Variants in COX10 observed in about 807,000 individuals in gnomAD.
COX10 encodes cytochrome c oxidase assembly factor heme A:farnesyltransferase COX10.
In COX10, 27 loss-of-function variants were observed where a neutral mutation model predicts 37.3. The ratio of observed to expected loss-of-function variants is 0.72; its 90% CI spans 0.53 to 1.00. The LOEUF is 1.00. COX10 is among the 50% of genes least tolerant of loss of function. The pLI is 0.00. For missense variants in COX10, 475 were observed against 563.2 expected, an observed-to-expected ratio of 0.84 and a Z score of 1.59; for synonymous variants, 222 against 229.1, an observed-to-expected ratio of 0.97 and a Z score of 0.28.
chr17:14,132,788 A>G (rs1158912229), intron 4 of COX10, among the ~76,000 whole-genome samples: 1 of 151,652 alleles, frequency 6.6e-6, no homozygotes, highest in Non-Finnish European at 1.5e-5. Flanking sequence ...GTTTATTCTG[A>G]TGCAAAATTA....
rs1220078007 is a variant in COX10 at position 14,076,920 on chromosome 17, A to G, written c.363A>G (p.Leu121=). 4.3e-6 allele frequency: 7 copies of G among 1,614,080 alleles called. No individual in the cohort carries two copies. The highest frequency in any genetic ancestry group is 4.0e-5 in the African/African-American group (3 of 74,938). Reference sequence around the variant, plus strand: ...CAAATGAAAAGGAATTGATAGAACTAGAGCCAGACTCAGTAATTGAAGACT... The same window carrying G: ...CAAATGAAAAGGAATTGATAGAACTGGAGCCAGACTCAGTAATTGAAGACT... ...RKPNEKELIE[L]EPDSVIEDSI... is the part of the protein sequence containing the mutation. Residue 121 remains leucine, a synonymous_variant, in exon 3 of 7, where the codon CTA becomes CTG. Coordinates refer to ENST00000261643, the MANE Select transcript of COX10 (RefSeq NM_001303.4).
chr17:14,134,395 T>C (rs1248816759), intron 4 of COX10, among the ~76,000 whole-genome samples: 1 of 151,834 alleles, frequency 6.6e-6, no homozygotes, highest in Non-Finnish European at 1.5e-5. Context: ...AACATATATG[T>C]TAGAAAATGT....
intron 4 of COX10, among the ~76,000 whole-genome samples, chr17:14,147,463 T>C (rs138794920): frequency 0.013 from 1,901 of 152,042 alleles, 41 homozygotes; most frequent in African/African-American, 0.044. Flanking sequence ...ATGGAGCCCA[T>C]GGAGATAGAG....
chr17:14,080,432 C>T (rs1915266877), intron 3 of COX10, among the ~76,000 whole-genome samples: 1 of 151,964 alleles, frequency 6.6e-6, no homozygotes, highest in Admixed American at 6.6e-5. Context: ...CCAGGATGGT[C>T]TCAATCTCCT....
intron 4 of COX10, among the ~76,000 whole-genome samples, chr17:14,153,160 C>T (rs1240487228): frequency 6.6e-6 from 1 of 152,196 alleles, no homozygotes; most frequent in Non-Finnish European, 1.5e-5. Flanking sequence ...GTCAGCTTGG[C>T]AGTCAGATAC....
intron 4 of COX10, among the ~76,000 whole-genome samples, chr17:14,112,113 A>G (rs1240621415): frequency 1.3e-5 from 2 of 152,172 alleles, no homozygotes; most frequent in Non-Finnish European, 2.9e-5. Flanking sequence ...GAGGAAAAAT[A>G]GTTTATAAGT....
chr17:14,116,306 C>G (rs1011738139), intron 4 of COX10, among the ~76,000 whole-genome samples: 2 of 152,058 alleles, frequency 1.3e-5, no homozygotes, highest in African/African-American at 4.8e-5. Flanking sequence ...TGCCAGCCAT[C>G]CTGAGTAGCC....
At chr17:14,137,527 A>G (rs1355410865) in intron 4 of COX10, among the ~76,000 whole-genome samples, 2 of 151,966 alleles carry the variant, frequency 1.3e-5, no homozygotes, top group Non-Finnish European at 2.9e-5. Flanking sequence ...CCTAAGTGAA[A>G]GTAAATACTT....
In COX10 at chr17:14,207,618, C is replaced by G. The variant is rs1713208441; in HGVS notation, c.*405C>G. ...CTTGGTGGCCAGAAAGTGTGAGCCT[C>G]ATGATCTGCTGTCTGTAGTTCTGTG... On this transcript the variant is annotated 3_prime_UTR_variant, in exon 7 of 7. Transcript: ENST00000261643. 5.7e-6 allele frequency: 1 copy of G among 174,590 alleles called. No homozygotes were observed. Among genetic ancestry groups the G allele is most frequent in the Non-Finnish European group, 1.2e-5 (1 of 81,662 alleles). 10.8% of individuals were successfully genotyped at this position (174,590 alleles called of 1,614,324 possible).
Position 14,159,915 on chromosome 17 carries a change from A to G in COX10, c.663A>G (p.Thr221=). The change falls in exon 5 of 7, where the codon ACA becomes ACG. Residue 221 remains threonine (T), a synonymous_variant. Transcript: ENST00000261643. The stretch of plus-strand genomic sequence containing the variant: ...CATTTGACTCAAACATGAATAGGAC[A>G]AAGAACAGACCGCTGGTTCGTGGAC... ...EVPFDSNMNR[T]KNRPLVRGQI... 1.2e-6 allele frequency: 2 copies of G among 1,612,722 alleles called. No individual in the cohort carries two copies. Among genetic ancestry groups the G allele is most frequent in the Non-Finnish European group, 1.7e-6 (2 of 1,179,710 alleles).
chr17:14,105,394 G>A (rs777734619), intron 4 of COX10, among the ~76,000 whole-genome samples: 1 of 152,142 alleles, frequency 6.6e-6, no homozygotes, highest in Non-Finnish European at 1.5e-5. Context: ...ATTGCTGGGA[G>A]GATGGCTGCC....
chr17:14,183,250 T>C (rs1395845740), intron 5 of COX10, among the ~76,000 whole-genome samples: 1 of 151,662 alleles, frequency 6.6e-6, no homozygotes, highest in Non-Finnish European at 1.5e-5. Flanking sequence ...ACCCTCAGCA[T>C]GAACCATGAA....
chr17:14,092,559 A>G (rs996420999), intron 3 of COX10, among the ~76,000 whole-genome samples: 1 of 152,148 alleles, frequency 6.6e-6, no homozygotes, highest in Non-Finnish European at 1.5e-5. Flanking sequence ...TGAGAAAAAA[A>G]TAGCACGTCT....
intron 4 of COX10, among the ~76,000 whole-genome samples, chr17:14,108,432 G>A (rs1223893971): frequency 6.6e-6 from 1 of 152,152 alleles, no homozygotes; most frequent in Non-Finnish European, 1.5e-5. Flanking sequence ...CTTTACTTTG[G>A]AGAAAATTAG....
intron 3 of COX10, among the ~76,000 whole-genome samples, chr17:14,086,294 A>G (rs1915407798): frequency 3.3e-5 from 5 of 151,988 alleles, no homozygotes; most frequent in Admixed American, 2.6e-4. Context: ...TTATGATTTT[A>G]TATTGTATAA....
Position 14,192,204 on chromosome 17 carries a change from C to T in COX10, c.911C>T (p.Thr304Met), listed in dbSNP as rs374596089. 42 of 1,614,062 alleles carry T rather than the reference C, an allele frequency of 2.6e-5. No homozygotes were observed. The highest frequency in any genetic ancestry group is 8.3e-5 in the Admixed American group (5 of 60,010). ...CCTGTCATGGGCTGGACAGCGGCCA[C>T]GGGCAGCCTCGATGCTGGTAAGTGT... ...IPPVMGWTAA[T>M]GSLDAGAFLL... Residue 304 changes from threonine (T) to methionine (M), a missense_variant, in exon 6 of 7, where the codon ACG (threonine) becomes ATG (methionine). Transcript: ENST00000261643.
At chr17:14,145,460 G>A (rs1308618149) in intron 4 of COX10, among the ~76,000 whole-genome samples, 1 of 152,154 alleles carries the variant, frequency 6.6e-6, no homozygotes, top group Non-Finnish European at 1.5e-5. Context: ...GATGGGTCTT[G>A]ACAGCCATGG....
At chr17:14,175,080 T>C (rs56731858) in intron 5 of COX10, among the ~76,000 whole-genome samples, 190 of 1,340 alleles carry the variant, frequency 0.14, no homozygotes, top group Non-Finnish European at 0.21. Flanking sequence ...TACTGGGAAA[T>C]AGCGGGGGGG....
chr17:14,107,121 C>T (rs771633529), intron 4 of COX10, among the ~76,000 whole-genome samples: 1 of 152,124 alleles, frequency 6.6e-6, no homozygotes, highest in Admixed American at 6.5e-5. Flanking sequence ...CCCCCACCCC[C>T]ACTTGTGACA....
Sources: gnomAD v4.1 joint callset for allele counts (sites outside exome capture counted in the v4.1 genomes callset) on GRCh38, gnomAD v4.1.1 for gene constraint, MANE v1.5 for transcripts, NCBI Gene and HGNC (gene_info 2026-07-23, HGNC 2026-07-21) for gene names.